Variants in ETV6 observed in about 807,000 individuals in gnomAD.
ETV6 encodes ETS variant transcription factor 6.
ETV6 carries 16 observed loss-of-function variants against 51.1 expected under a neutral mutation model. The ratio of observed to expected loss-of-function variants is 0.31; its 90% CI spans 0.21 to 0.48. ETV6 has a LOEUF of 0.48. Among genes scored for constraint, ETV6 ranks in the 20% least tolerant of loss-of-function variants. ETV6 has a pLI of 0.99. For missense variants in ETV6, 458 were observed against 594.8 expected (o/e 0.77, Z 2.39); for synonymous variants, 240 against 224.1 (o/e 1.07, Z -0.64).
rs1026221942 is a variant in ETV6, at chr12:11,782,917, G to T, written c.163+30338G>T. Among the ~76,000 whole-genome samples, 8 of 152,284 alleles carry T rather than the reference G, an allele frequency of 5.3e-5. 1 individual carries two copies. The highest frequency in any genetic ancestry group is 1.9e-4 in the African/African-American group (8 of 41,548). On this transcript the variant is annotated intron_variant, in intron 2 of 7. Transcript: ENST00000396373. ...GGCTAAAGAAGAAAAGATGACTAGGGTATGCCATGCTAAGGAGTTTAGATT... is the reference window on the plus strand; with the variant it reads ...GGCTAAAGAAGAAAAGATGACTAGGTTATGCCATGCTAAGGAGTTTAGATT...
chr12:11,786,799 G>T (rs143342367), intron 2 of ETV6, among the ~76,000 whole-genome samples: 27 of 152,308 alleles, frequency 1.8e-4, no homozygotes, highest in African/African-American at 6.5e-4. Flanking sequence ...GAGCTGTCAG[G>T]AGCAGTATGA....
At chr12:11,746,173 G>A (rs1865905268) in intron 1 of ETV6, among the ~76,000 whole-genome samples, 3 of 152,320 alleles carry the variant, frequency 2.0e-5, no homozygotes, top group Middle Eastern at 6.8e-3. Flanking sequence ...GCAGAGCAAC[G>A]AAATATTCGA....
rs554149885 is a variant in ETV6 at position 11,862,153 on chromosome 12, T to C, written c.464-7271T>C. ...ATTTTGTTTTGTTTAGCCCCTTTCATCAAATGCTTATAAAATTCTAGGAGC... is the reference window on the plus strand; with the variant it reads ...ATTTTGTTTTGTTTAGCCCCTTTCACCAAATGCTTATAAAATTCTAGGAGC... On this transcript the variant is annotated intron_variant, in intron 4 of 7. Transcript: ENST00000396373. Among the ~76,000 whole-genome samples the C allele has an allele frequency of 4.6e-5, 7 of 152,308 alleles. No individual in the cohort carries two copies. In the East Asian group the frequency reaches 1.3e-3, roughly 29 times the overall value.
At chr12:11,776,759 G>A (rs540492742) in intron 2 of ETV6, among the ~76,000 whole-genome samples, 6 of 152,262 alleles carry the variant, frequency 3.9e-5, no homozygotes, top group East Asian at 3.9e-4. Context: ...ATGGGTAAAG[G>A]ACCTGAAAAC....
intron 7 of ETV6, 25 bp from the exon 8 acceptor site, chr12:11,890,916 A>G: frequency 6.4e-7 from 1 of 1,572,944 alleles, no homozygotes; most frequent in Admixed American, 1.7e-5. Context: ...GGAATCTCTT[A>G]CCTCCTCCAC....
At chr12:11,695,335 G>A (rs1864856432) in intron 1 of ETV6, among the ~76,000 whole-genome samples, 1 of 152,172 alleles carries the variant, frequency 6.6e-6, no homozygotes. Context: ...GGAAAAGAAG[G>A]GAGTGACAGC....
Position 11,891,447 on chromosome 12 carries a change from AATATATATCTATT to A in ETV6, c.*410_*422del. ...ACATCTGATGTTGTTTTCCTATGGA[AATATATATCTATT>A]ATATATATATTTTTTGCAAATCTCA... On this transcript the variant is annotated 3_prime_UTR_variant, in exon 8 of 8. Transcript: ENST00000396373. 2.6e-6 allele frequency: 1 copy of A among 380,016 alleles called. No homozygotes were observed. Among genetic ancestry groups the A allele is most frequent in the South Asian group, 2.8e-5 (1 of 35,608 alleles). The allele number at this position is 380,016 out of a possible 1,614,324, so 23.5% of individuals were successfully genotyped here. A position where few individuals can be genotyped will look rare whatever the true frequency, so the allele number is the denominator to read the frequency against.
chr12:11,697,638 G>A (rs1025781233), intron 1 of ETV6, among the ~76,000 whole-genome samples: 1 of 152,186 alleles, frequency 6.6e-6, no homozygotes, highest in African/African-American at 2.4e-5. Flanking sequence ...GTTTAAGTGG[G>A]GATACTGATA....
intron 6 of ETV6, among the ~76,000 whole-genome samples, chr12:11,885,039 C>T (rs1477996491): frequency 3.3e-5 from 5 of 152,214 alleles, no homozygotes; most frequent in African/African-American, 9.7e-5. Context: ...TGTAAAACAT[C>T]CCCTTTATAA....
At position 11,891,095 on chromosome 12, in the gene ETV6, C is replaced by T. The variant is rs1269554737; in HGVS notation, c.*49C>T. Reference sequence around the variant, plus strand: ...GGGCCAGCAGCCCAGGGAACCCCTGCCCACCAGGATTGCTGGAAGTGTGAC... The same window carrying T: ...GGGCCAGCAGCCCAGGGAACCCCTGTCCACCAGGATTGCTGGAAGTGTGAC... On this transcript the variant is annotated 3_prime_UTR_variant, in exon 8 of 8. Coordinates refer to ENST00000396373, the MANE Select transcript of ETV6 (RefSeq NM_001987.5). 3 of 1,450,896 alleles carry T rather than the reference C, an allele frequency of 2.1e-6. No homozygotes were observed. Among genetic ancestry groups the T allele is most frequent in the African/African-American group, 1.4e-5 (1 of 71,228 alleles). 89.9% of individuals were successfully genotyped at this position (1,450,896 alleles called of 1,614,324 possible).
At chr12:11,871,982 A>G (rs1027902738) in intron 5 of ETV6, among the ~76,000 whole-genome samples, 8 of 152,264 alleles carry the variant, frequency 5.3e-5, no homozygotes, top group East Asian at 3.8e-4. Context: ...TGTGAATTCT[A>G]TAAATGACCC....
chr12:11,654,682 C>T (rs1208748303), intron 1 of ETV6, among the ~76,000 whole-genome samples: 3 of 151,998 alleles, frequency 2.0e-5, no homozygotes, highest in African/African-American at 2.4e-5. Context: ...AAGGGCCTGA[C>T]GGACTTGTAT....
rs147071551 is a variant in ETV6, at chr12:11,673,296, A to C, written c.33+23136A>C. 4.3e-4 allele frequency among the ~76,000 whole-genome samples: 65 copies of C among 152,312 alleles called. No individual in the cohort carries two copies. The East Asian group carries it at 0.01, about 23-fold the overall frequency. On this transcript the variant is annotated intron_variant, in intron 1 of 7. Coordinates refer to ENST00000396373, the MANE Select transcript of ETV6 (RefSeq NM_001987.5). ...TGAGATGAGTTTACTCTGCTGGGAA[A>C]GAATTTGGAGATGTCCATGAAGAAG...
At position 11,829,919 on chromosome 12, in the gene ETV6, A is replaced by G. The variant is rs117899761; in HGVS notation, c.164-9221A>G. The stretch of plus-strand genomic sequence containing the variant: ...GTTTGCAGAAAGCAGCTTTGGTCAG[A>G]TAGCACATTCAAGATTACAGGCAGA... On this transcript the variant is annotated intron_variant, in intron 2 of 7. Transcript: ENST00000396373. 1.2e-4 allele frequency among the ~76,000 whole-genome samples: 19 copies of G among 152,328 alleles called. No individual in the cohort carries two copies. The East Asian group carries it at 3.7e-3, about 29-fold the overall frequency.
intron 4 of ETV6, among the ~76,000 whole-genome samples, chr12:11,856,888 G>T (rs950035058): frequency 6.6e-6 from 1 of 152,154 alleles, no homozygotes; most frequent in Non-Finnish European, 1.5e-5. Context: ...TTACATAACT[G>T]GGAATACAGT....
intron 1 of ETV6, among the ~76,000 whole-genome samples, chr12:11,690,925 A>ATTT (rs1565487745): frequency 7.3e-6 from 1 of 136,342 alleles, no homozygotes; most frequent in Non-Finnish European, 1.6e-5. Context: ...TATAAAATAA[A>ATTT]TAGTGTAATA....
chr12:11,763,532 A>C (rs753761253), intron 2 of ETV6, among the ~76,000 whole-genome samples: 1 of 152,236 alleles, frequency 6.6e-6, no homozygotes, highest in Non-Finnish European at 1.5e-5. Context: ...CTCTGATCAA[A>C]TAGATTTTGG....
chr12:11,666,656 C>T (rs1004445545), intron 1 of ETV6, among the ~76,000 whole-genome samples: 3 of 152,220 alleles, frequency 2.0e-5, no homozygotes, highest in Non-Finnish European at 4.4e-5. Context: ...CGTTTTCTCC[C>T]TATTTCTGTT....
At chr12:11,767,784 T>A (rs955213581) in intron 2 of ETV6, among the ~76,000 whole-genome samples, 1 of 152,224 alleles carries the variant, frequency 6.6e-6, no homozygotes, top group Non-Finnish European at 1.5e-5. Flanking sequence ...TATAAGAGCT[T>A]GTCTGATGAA....
Sources: gnomAD v4.1 joint callset for allele counts (sites outside exome capture counted in the v4.1 genomes callset) on GRCh38, gnomAD v4.1.1 for gene constraint, MANE v1.5 for transcripts, NCBI Gene and HGNC (gene_info 2026-07-23, HGNC 2026-07-21) for gene names.